ZNF93: variants seen among roughly 807,000 people sequenced by gnomAD.
ZNF93 encodes zinc finger protein 93.
In ZNF93, 29 loss-of-function variants were observed where a neutral mutation model predicts 45.0. The observed-to-expected ratio is 0.64, with a 90% confidence interval of 0.48 to 0.88. The LOEUF (loss-of-function observed/expected upper bound fraction) is 0.88. Among genes scored for constraint, ZNF93 ranks in the 40% least tolerant of loss-of-function variants. The pLI is 0.00. For synonymous variants in ZNF93, 223 were observed against 244.6 expected (o/e 0.91, Z 0.82); for missense variants, 578 against 724.0 (o/e 0.80, Z 2.31).
chr19:19,920,750 C>T (rs1390936209), intron 3 of ZNF93, among the ~76,000 whole-genome samples: 11 of 152,156 alleles, frequency 7.2e-5, no homozygotes, highest in African/African-American at 2.7e-4. Flanking sequence ...TTATGGTATT[C>T]TCTGATGGTA....
intron 3 of ZNF93, among the ~76,000 whole-genome samples, chr19:19,917,954 CT>C (rs1568509689): frequency 6.9e-6 from 1 of 145,736 alleles, no homozygotes; most frequent in Admixed American, 6.8e-5. Context: ...CTTTTTTTTT[CT>C]TTTTTTTAAT....
intron 1 of ZNF93, among the ~76,000 whole-genome samples, chr19:19,911,129 A>G (rs1057211359): frequency 6.6e-6 from 1 of 152,154 alleles, no homozygotes; most frequent in African/African-American, 2.4e-5. Context: ...AGTATTTTTG[A>G]TCTTTCTCTT....
chr19:19,915,006 C>A (rs2063319251), intron 1 of ZNF93, among the ~76,000 whole-genome samples: 2 of 152,298 alleles, frequency 1.3e-5, no homozygotes, highest in South Asian at 2.1e-4. Flanking sequence ...ATATAGCACT[C>A]AAAAATGTAC....
intron 1 of ZNF93, among the ~76,000 whole-genome samples, chr19:19,907,212 C>T (rs1370601324): frequency 6.6e-6 from 1 of 151,636 alleles, no homozygotes; most frequent in Non-Finnish European, 1.5e-5. Flanking sequence ...ATTTTTAGTC[C>T]TTCAAAGTAG....
chr19:19,923,563 A>C (rs2063347766), intron 3 of ZNF93, among the ~76,000 whole-genome samples: 1 of 152,198 alleles, frequency 6.6e-6, no homozygotes, highest in South Asian at 2.1e-4. Context: ...GGTGGGCTCC[A>C]CGCAGTTCGA....
intron 1 of ZNF93, among the ~76,000 whole-genome samples, chr19:19,908,087 G>T (rs1335219936): frequency 6.6e-6 from 1 of 151,932 alleles, no homozygotes; most frequent in African/African-American, 2.4e-5. Context: ...TATTCAATGG[G>T]GATCATTATG....
chr19:19,925,924 A>G (rs994293588), intron 3 of ZNF93, among the ~76,000 whole-genome samples: 6 of 152,096 alleles, frequency 3.9e-5, no homozygotes, highest in African/African-American at 1.4e-4. Flanking sequence ...GGTTCTTTTA[A>G]ATGCTAATTT....
Position 19,934,344 on chromosome 19 carries a change from C to T in ZNF93, c.1389C>T (p.Asn463=). The change falls in exon 4 of 4, where the codon AAC becomes AAT. Residue 463 remains asparagine (N), a synonymous_variant. Coordinates refer to ENST00000343769, the MANE Select transcript of ZNF93 (RefSeq NM_031218.4). ...YKCEECGKAF[N]QSSSLTKHKK... ...GTGAAGAATGTGGCAAAGCTTTTAA[C>T]CAGTCCTCATCCCTTACTAAACATA... 1 of 1,611,044 alleles carries T rather than the reference C, an allele frequency of 6.2e-7. No individual in the cohort carries two copies. Among genetic ancestry groups the T allele is most frequent in the South Asian group, 1.1e-5 (1 of 90,952 alleles).
chr19:19,917,852 T>A (rs1049549182), intron 3 of ZNF93, among the ~76,000 whole-genome samples: 3 of 152,204 alleles, frequency 2.0e-5, no homozygotes, highest in African/African-American at 7.2e-5. Flanking sequence ...GTTTTTAAAA[T>A]ATGAGATTGT....
chr19:19,910,619 A>G (rs2063305039), intron 1 of ZNF93, among the ~76,000 whole-genome samples: 1 of 151,418 alleles, frequency 6.6e-6, no homozygotes, highest in South Asian at 2.1e-4. Context: ...TGACCCAAGT[A>G]AACTATCTAC....
intron 1 of ZNF93, among the ~76,000 whole-genome samples, 154 bp downstream of exon 1, chr19:19,901,245 A>C (rs1017228595): frequency 6.6e-6 from 1 of 152,152 alleles, no homozygotes; most frequent in African/African-American, 2.4e-5. Context: ...TTCAGCCATA[A>C]GATGGCGGCT....
intron 3 of ZNF93, among the ~76,000 whole-genome samples, chr19:19,928,652 T>C: frequency 6.6e-6 from 1 of 152,172 alleles, no homozygotes; most frequent in East Asian, 1.9e-4. Context: ...CTCAGTTTTT[T>C]GAGTAGGTAG....
chr19:19,927,219 G>A, intron 3 of ZNF93: 1 of 398,428 alleles, frequency 2.5e-6, no homozygotes, highest in Non-Finnish European at 4.4e-6. Flanking sequence ...AACATATGGA[G>A]ACCCCTCTCT....
At chr19:19,916,521 T>C (rs1439417205) in intron 2 of ZNF93, 39 bp from the exon 3 acceptor site, 1 of 1,535,764 alleles carries the variant, frequency 6.5e-7, no homozygotes, top group South Asian at 1.1e-5. Flanking sequence ...AATTGGAGAA[T>C]ATGAGCAAGA....
At chr19:19,909,890 T>G (rs1424845935) in intron 1 of ZNF93, among the ~76,000 whole-genome samples, 1 of 152,230 alleles carries the variant, frequency 6.6e-6, no homozygotes, top group Non-Finnish European at 1.5e-5. Flanking sequence ...CTCTGCCTAT[T>G]TGGTATTGAT....
At chr19:19,906,844 C>G (rs1028838907) in intron 1 of ZNF93, among the ~76,000 whole-genome samples, 78 of 151,508 alleles carry the variant, frequency 5.1e-4, no homozygotes, top group Non-Finnish European at 1.2e-4. Context: ...AGGAGGGTGT[C>G]ATTATTTCTG....
chr19:19,931,973 T>A (rs553513045), intron 3 of ZNF93: 42 of 391,150 alleles, frequency 1.1e-4, no homozygotes, highest in African/African-American at 9.3e-4. Flanking sequence ...AGTTTGTTAT[T>A]GATATAAAAA....
chr19:19,911,301 T>C (rs2063307126), intron 1 of ZNF93, among the ~76,000 whole-genome samples: 1 of 152,186 alleles, frequency 6.6e-6, no homozygotes, highest in African/African-American at 2.4e-5. Flanking sequence ...CCAGGTGTCT[T>C]TGAGGCATTT....
chr19:19,906,971 G>A (rs756954593), intron 1 of ZNF93, among the ~76,000 whole-genome samples: 10 of 148,560 alleles, frequency 6.7e-5, no homozygotes, highest in Non-Finnish European at 1.0e-4. Flanking sequence ...AAATTGAGGT[G>A]TCCAAGAGTT....
Sources: allele counts gnomAD v4.1 joint callset (sites outside exome capture counted in the v4.1 genomes callset), GRCh38; gene constraint gnomAD v4.1.1; transcripts MANE v1.5; gene names NCBI Gene and HGNC (gene_info 2026-07-23, HGNC 2026-07-21).